Variants in ERBB4 observed in about 807,000 individuals in gnomAD.
ERBB4 encodes receptor tyrosine-protein kinase erbB-4.
In ERBB4, 42 loss-of-function variants were observed where a neutral mutation model predicts 158.0. The observed-to-expected ratio is 0.27, with a 90% CI of 0.21 to 0.34. The LOEUF is 0.34. Among genes scored for constraint, ERBB4 ranks in the 10% least tolerant of loss-of-function variants. ERBB4 has a pLI of 1.00. For missense variants in ERBB4, 1,333 were observed against 1,624.1 expected (o/e 0.82, Z 3.08); for synonymous variants, 583 against 558.7 (o/e 1.04, Z -0.61).
At chr2:212,457,891 C>A (rs955481369) in intron 1 of ERBB4, among the ~76,000 whole-genome samples, 3 of 151,752 alleles carry the variant, frequency 2.0e-5, no homozygotes, top group Non-Finnish European at 4.4e-5. Context: ...TCCGTAGGCA[C>A]CCTAGTAATA....
At chr2:211,441,525 G>T (rs993225887) in intron 20 of ERBB4, among the ~76,000 whole-genome samples, 1 of 152,100 alleles carries the variant, frequency 6.6e-6, no homozygotes, top group Admixed American at 6.6e-5. Flanking sequence ...GAGCCTCATA[G>T]ATGCTCATGG....
chr2:211,386,178 TTTG>T (rs753484607), intron 27 of ERBB4, among the ~76,000 whole-genome samples: 1 of 152,192 alleles, frequency 6.6e-6, no homozygotes, highest in Non-Finnish European at 1.5e-5. Context: ...GAAAGGCTGT[TTTG>T]TTGCAAAATT....
chr2:211,992,971 A>G (rs2082115203), intron 2 of ERBB4, among the ~76,000 whole-genome samples: 1 of 152,228 alleles, frequency 6.6e-6, no homozygotes, highest in Non-Finnish European at 1.5e-5. Context: ...TAATAACCCA[A>G]TCAACTACCT....
chr2:211,874,916 T>C (rs1226711961), intron 3 of ERBB4, among the ~76,000 whole-genome samples: 1 of 151,648 alleles, frequency 6.6e-6, no homozygotes, highest in Admixed American at 6.6e-5. Flanking sequence ...GCCAAAATAA[T>C]GTTTTACACA....
chr2:211,938,154 C>A (rs1351809489), intron 3 of ERBB4, among the ~76,000 whole-genome samples: 2 of 152,108 alleles, frequency 1.3e-5, no homozygotes, highest in Non-Finnish European at 2.9e-5. Flanking sequence ...TTACCAAAAT[C>A]AAACTTCTCC....
intron 25 of ERBB4, among the ~76,000 whole-genome samples, chr2:211,401,535 T>C (rs909881720): frequency 3.9e-5 from 6 of 152,184 alleles, no homozygotes; most frequent in Middle Eastern, 3.4e-3. Context: ...TTCCCTGTGA[T>C]TGCTGGCCTT....
At chr2:212,113,573 C>CAAAAAAA (rs35545899) in intron 2 of ERBB4, among the ~76,000 whole-genome samples, 17 of 64,246 alleles carry the variant, frequency 2.6e-4, no homozygotes, top group African/African-American at 8.6e-4. Flanking sequence ...GACTCCATCT[C>CAAAAAAA]AAAAAAAAAA....
rs79568875 is a variant in ERBB4, at chr2:212,526,356, C to T, written c.82+12093G>A. Among the ~76,000 whole-genome samples the T allele has an allele frequency of 3.9e-3, 592 of 152,082 alleles. 2 individuals carry two copies. Among genetic ancestry groups the T allele is most frequent in the Non-Finnish European group, 6.3e-3 (427 of 67,914 alleles). On this transcript the variant is annotated intron_variant, in intron 1 of 27. Transcript: ENST00000342788. Reference sequence around the variant, plus strand: ...AAAAAATAATGAATGCCCCTTTTACCAACAGTTGCATAAAATGTTTTGTCT... The same window carrying T: ...AAAAAATAATGAATGCCCCTTTTACTAACAGTTGCATAAAATGTTTTGTCT...
intron 1 of ERBB4, among the ~76,000 whole-genome samples, chr2:212,423,355 T>C (rs1019757080): frequency 3.3e-5 from 5 of 152,156 alleles, no homozygotes; most frequent in Non-Finnish European, 7.3e-5. Context: ...AGTGATTATC[T>C]GAATCACAGA....
At chr2:211,773,631 T>TATAAA (rs1553630489) in intron 4 of ERBB4, among the ~76,000 whole-genome samples, 15 of 91,232 alleles carry the variant, frequency 1.6e-4, no homozygotes, top group African/African-American at 9.8e-4. Flanking sequence ...TATATATATA[T>TATAAA]ATATATATAT....
At chr2:211,621,275 A>G (rs189545985) in intron 18 of ERBB4, among the ~76,000 whole-genome samples, 3 of 151,916 alleles carry the variant, frequency 2.0e-5, no homozygotes, top group East Asian at 1.9e-4. Context: ...AAATTTTACT[A>G]TCTGATACAC....
intron 3 of ERBB4, among the ~76,000 whole-genome samples, chr2:211,939,609 T>C (rs927315331): frequency 1.3e-5 from 2 of 152,122 alleles, no homozygotes. Context: ...AAAATTACTA[T>C]AGACATCTGT....
At chr2:212,100,156 T>C (rs2079043467) in intron 2 of ERBB4, among the ~76,000 whole-genome samples, 1 of 152,216 alleles carries the variant, frequency 6.6e-6, no homozygotes, top group Non-Finnish European at 1.5e-5. Context: ...CCTCCTGCAA[T>C]AGATCTAACT....
At chr2:211,825,473 T>G (rs2077081756) in intron 3 of ERBB4, among the ~76,000 whole-genome samples, 1 of 151,772 alleles carries the variant, frequency 6.6e-6, no homozygotes, top group Admixed American at 6.6e-5. Flanking sequence ...AACAACAAAT[T>G]AAATCCCATT....
intron 1 of ERBB4, among the ~76,000 whole-genome samples, chr2:212,216,974 T>C (rs1335743214): frequency 6.6e-6 from 1 of 151,456 alleles, no homozygotes; most frequent in Non-Finnish European, 1.5e-5. Context: ...AAACATTCCT[T>C]GCAATATCCT....
rs188632107 is a variant in ERBB4, at chr2:211,576,788, G to A, written c.2302-14700C>T. Among the ~76,000 whole-genome samples, 25 of 152,154 alleles carry A rather than the reference G, an allele frequency of 1.6e-4. No homozygotes were observed. The East Asian group carries it at 4.3e-3, about 26-fold the overall frequency. ...ATTTCCTATGATAACTCTTTCAAGA[G>A]AGAAATTACCTTCTAACTTAAAAAA... On this transcript the variant is annotated intron_variant, in intron 19 of 27. Transcript: ENST00000342788.
chr2:211,951,302 G>A (rs979085876), intron 2 of ERBB4, among the ~76,000 whole-genome samples: 1 of 152,116 alleles, frequency 6.6e-6, no homozygotes, highest in Non-Finnish European at 1.5e-5. Flanking sequence ...ATTTGTAAAA[G>A]AGTAACATTA....
At chr2:211,876,034 T>A (rs1358002693) in intron 3 of ERBB4, among the ~76,000 whole-genome samples, 3 of 152,178 alleles carry the variant, frequency 2.0e-5, no homozygotes, top group East Asian at 3.8e-4. Flanking sequence ...GTCCTCACCA[T>A]TAAGCAACAC....
At chr2:212,206,589 CTTTTT>C (rs5838309) in intron 1 of ERBB4, among the ~76,000 whole-genome samples, 55 of 116,410 alleles carry the variant, frequency 4.7e-4, no homozygotes, top group Non-Finnish European at 4.3e-4. Context: ...CTGTTCTGTT[CTTTTT>C]TTTTTTTTTT....
Sources: gnomAD v4.1 joint callset for allele counts (sites outside exome capture counted in the v4.1 genomes callset) on GRCh38, gnomAD v4.1.1 for gene constraint, MANE v1.5 for transcripts, NCBI Gene and HGNC (gene_info 2026-07-23, HGNC 2026-07-21) for gene names.